CD226: variants seen among roughly 807,000 people sequenced by gnomAD.
CD226 encodes the protein CD226 molecule.
A neutral mutation model predicts 34.9 loss-of-function variants in CD226; 24 were observed. That is an observed-to-expected ratio of 0.69 (90% confidence interval 0.50 to 0.97). The LOEUF is 0.97. Among genes scored for constraint, CD226 ranks in the 50% least tolerant of loss-of-function variants. The pLI, the probability that CD226 is intolerant of heterozygous loss-of-function variation, is 0.00. For missense variants in CD226, 397 were observed against 412.7 expected (o/e 0.96, Z 0.33); for synonymous variants, 148 against 147.4 (o/e 1.00, Z -0.03).
At chr18:69,873,312 GA>G in intron 3 of CD226, 66 bp from the exon 4 acceptor site, 2 of 742,758 alleles carry the variant, frequency 2.7e-6, no homozygotes, top group South Asian at 1.7e-5. Flanking sequence ...AGTAAGGCAG[GA>G]AAATAAAGAA....
intron 5 of CD226, among the ~76,000 whole-genome samples, chr18:69,866,557 A>G (rs1983158545): frequency 6.6e-6 from 1 of 152,290 alleles, no homozygotes; most frequent in South Asian, 2.1e-4. Context: ...TAATAATAAT[A>G]ATGAATATCA....
intron 3 of CD226, among the ~76,000 whole-genome samples, chr18:69,886,625 G>A (rs968705870): frequency 2.0e-5 from 3 of 151,986 alleles, no homozygotes; most frequent in African/African-American, 4.8e-5. Context: ...AGAATCGCTT[G>A]AACCCAGGAG....
intron 2 of CD226, among the ~76,000 whole-genome samples, chr18:69,925,430 G>A (rs941367059): frequency 5.3e-5 from 8 of 151,956 alleles, no homozygotes; most frequent in East Asian, 1.9e-4. Flanking sequence ...GAAAAAACTC[G>A]TTTAGATTTT....
At chr18:69,885,907 C>T (rs1172125111) in intron 3 of CD226, among the ~76,000 whole-genome samples, 1 of 151,960 alleles carries the variant, frequency 6.6e-6, no homozygotes, top group Non-Finnish European at 1.5e-5. Context: ...AATAAAGTAG[C>T]GGGAGACCAC....
chr18:69,906,773 A>C (rs2055259306), intron 2 of CD226, among the ~76,000 whole-genome samples: 1 of 152,336 alleles, frequency 6.6e-6, no homozygotes, highest in African/African-American at 2.4e-5. Context: ...GGTTTCGCTA[A>C]GCAATAAGTT....
intron 2 of CD226, among the ~76,000 whole-genome samples, chr18:69,897,626 A>C (rs1300916590): frequency 6.8e-6 from 1 of 146,050 alleles, no homozygotes; most frequent in Non-Finnish European, 1.5e-5. Flanking sequence ...GAAAAAAGAA[A>C]TAGAGAAAGA....
upstream of CD226, among the ~76,000 whole-genome samples, chr18:69,952,774 G>A (rs957399132): frequency 6.6e-6 from 1 of 152,176 alleles, no homozygotes; most frequent in South Asian, 2.1e-4. Context: ...AAACTTTTGT[G>A]CATCAAAGGA....
At chr18:69,864,860 C>G (rs1336757198) in intron 5 of CD226, among the ~76,000 whole-genome samples, 1 of 152,162 alleles carries the variant, frequency 6.6e-6, no homozygotes, top group Non-Finnish European at 1.5e-5. Flanking sequence ...CTACCGTAAT[C>G]AAGTCACTTT....
intron 2 of CD226, among the ~76,000 whole-genome samples, chr18:69,921,575 C>G (rs2055452728): frequency 6.6e-6 from 1 of 152,176 alleles, no homozygotes; most frequent in African/African-American, 2.4e-5. Context: ...GTCCTCCTTC[C>G]CCCAGGCCGA....
intron 3 of CD226, among the ~76,000 whole-genome samples, chr18:69,884,038 T>A (rs1984417487): frequency 6.6e-6 from 1 of 152,174 alleles, no homozygotes; most frequent in South Asian, 2.1e-4. Flanking sequence ...ACATGGGTTG[T>A]ATAAACATTT....
At chr18:69,933,831 T>G (rs1170457621) in intron 2 of CD226, among the ~76,000 whole-genome samples, 2 of 152,224 alleles carry the variant, frequency 1.3e-5, no homozygotes, top group Non-Finnish European at 2.9e-5. Context: ...TCAAACACTG[T>G]GTCAGCACAA....
At chr18:69,924,577 T>C (rs1279521035) in intron 2 of CD226, among the ~76,000 whole-genome samples, 1 of 149,396 alleles carries the variant, frequency 6.7e-6, no homozygotes, top group African/African-American at 2.4e-5. Context: ...AAACATGTTT[T>C]TGAAAGTCCA....
chr18:69,885,074 G>A (rs1984479688), intron 3 of CD226, among the ~76,000 whole-genome samples: 1 of 152,134 alleles, frequency 6.6e-6, no homozygotes, highest in East Asian at 1.9e-4. Context: ...TGTTTAATCA[G>A]GTATAACTCT....
intron 5 of CD226, among the ~76,000 whole-genome samples, chr18:69,867,045 C>T (rs540604478): frequency 3.9e-5 from 6 of 152,200 alleles, no homozygotes; most frequent in African/African-American, 1.2e-4. Flanking sequence ...TAAGCCACCC[C>T]GTTTTGGTAA....
upstream of CD226, among the ~76,000 whole-genome samples, chr18:69,952,641 GA>G (rs1233627896): frequency 1.3e-5 from 2 of 152,114 alleles, no homozygotes; most frequent in Non-Finnish European, 2.9e-5. Context: ...TCAGACTGTA[GA>G]AATCTTAGAA....
At chr18:69,943,252 G>A (rs1327959103) in intron 2 of CD226, among the ~76,000 whole-genome samples, 5 of 152,118 alleles carry the variant, frequency 3.3e-5, no homozygotes, top group Non-Finnish European at 1.5e-5. Flanking sequence ...TCATTTTGGG[G>A]GTATTTCTGT....
At chr18:69,941,356 T>C (rs1157323546) in intron 2 of CD226, among the ~76,000 whole-genome samples, 1 of 152,114 alleles carries the variant, frequency 6.6e-6, no homozygotes, top group Admixed American at 6.5e-5. Flanking sequence ...ACCATGCAAC[T>C]GGAGAAGCCA....
At chr18:69,876,762 C>T (rs1387118739) in intron 3 of CD226, among the ~76,000 whole-genome samples, 1 of 152,156 alleles carries the variant, frequency 6.6e-6, no homozygotes, top group Admixed American at 6.6e-5. Flanking sequence ...TCAGATCCCA[C>T]AGGCTGGGGG....
intron 4 of CD226, among the ~76,000 whole-genome samples, chr18:69,867,620 A>G (rs1983233045): frequency 6.6e-6 from 1 of 152,204 alleles, no homozygotes; most frequent in African/African-American, 2.4e-5. Context: ...TGGTGAGGGC[A>G]ACTAAATGGA....
Sources: allele counts gnomAD v4.1 joint callset (sites outside exome capture counted in the v4.1 genomes callset), GRCh38; gene constraint gnomAD v4.1.1; transcripts MANE v1.5; gene names NCBI Gene and HGNC (gene_info 2026-07-23, HGNC 2026-07-21).